ELMOD2: variants seen among roughly 807,000 people sequenced by gnomAD.
ELMOD2 encodes the protein ELMO domain-containing protein 2.
In ELMOD2, 28 loss-of-function variants were observed where a neutral mutation model predicts 41.0. The ratio of observed to expected loss-of-function variants is 0.68; its 90% CI spans 0.51 to 0.94. The LOEUF is 0.94. Among genes scored for constraint, ELMOD2 ranks in the 40% least tolerant of loss-of-function variants. ELMOD2 has a pLI of 0.00. For missense variants in ELMOD2, 333 were observed against 343.1 expected (o/e 0.97, Z 0.23); for synonymous variants, 106 against 107.2 (o/e 0.99, Z 0.07).
intron 5 of ELMOD2, 84 bp from the exon 6 acceptor site, chr4:140,540,084 A>G (rs947487977): frequency 1.4e-6 from 2 of 1,476,862 alleles, no homozygotes; most frequent in Non-Finnish European, 9.1e-7. Flanking sequence ...TGGTTTTTCT[A>G]CAAAAGTTAT....
At chr4:140,548,825 CTGGGGTGGTTTTAT>C (rs996238302) in intron 8 of ELMOD2, among the ~76,000 whole-genome samples, 55 of 152,120 alleles carry the variant, frequency 3.6e-4, no homozygotes, top group African/African-American at 1.1e-3. Flanking sequence ...CAAAGTAGGA[CTGGGGTGGTTTTAT>C]TTTTTGCTTT....
chr4:140,524,530 G>C (rs200597474), intron 1 of ELMOD2: 1 of 925,970 alleles, frequency 1.1e-6, no homozygotes, highest in East Asian at 1.2e-4. Context: ...CTGCGCTTTT[G>C]TCCTAATGAG....
rs1001172378 is a variant in ELMOD2, at chr4:140,544,916, A to G, written c.736+1330A>G. ...CCCTGGGGATGTAGCAGAGAAGAAG[A>G]CAAAGTCACTGCATTTGGTGAGGAG... On this transcript the variant is annotated intron_variant, in intron 8 of 8. Transcript: ENST00000323570. 3.3e-5 allele frequency among the ~76,000 whole-genome samples: 5 copies of G among 152,132 alleles called. 1 individual carries two copies. Among genetic ancestry groups the G allele is most frequent in the Non-Finnish European group, 7.4e-5 (5 of 68,012 alleles).
At chr4:140,547,830 G>A (rs979899987) in intron 8 of ELMOD2, among the ~76,000 whole-genome samples, 4 of 152,120 alleles carry the variant, frequency 2.6e-5, no homozygotes, top group Non-Finnish European at 5.9e-5. Context: ...TTTCTACAGA[G>A]TCTTAAGTAT....
chr4:140,533,772 A>G (rs552562323), intron 3 of ELMOD2, among the ~76,000 whole-genome samples: 5 of 152,290 alleles, frequency 3.3e-5, no homozygotes, highest in African/African-American at 1.2e-4. Flanking sequence ...AAAAGGCAAC[A>G]GAATTTTTAA....
At chr4:140,535,949 G>A (rs913400063) in intron 4 of ELMOD2, 119 bp downstream of exon 4, 9 of 865,952 alleles carry the variant, frequency 1.0e-5, no homozygotes, top group South Asian at 9.9e-5. Context: ...CTGATTCAGC[G>A]CTCTCACTTC....
At chr4:140,540,512 G>A (rs192236827) in intron 6 of ELMOD2, among the ~76,000 whole-genome samples, 23 of 152,238 alleles carry the variant, frequency 1.5e-4, no homozygotes, top group Admixed American at 1.0e-3. Flanking sequence ...CCAGCACTTT[G>A]GGAGGCTGAG....
At chr4:140,529,694 G>C (rs1734683472) in intron 3 of ELMOD2, among the ~76,000 whole-genome samples, 1 of 152,152 alleles carries the variant, frequency 6.6e-6, no homozygotes, top group Non-Finnish European at 1.5e-5. Context: ...CAGGTCTTCT[G>C]TTTAAGTAGA....
At chr4:140,530,929 A>C (rs1734727004) in intron 3 of ELMOD2, among the ~76,000 whole-genome samples, 1 of 152,130 alleles carries the variant, frequency 6.6e-6, no homozygotes, top group Non-Finnish European at 1.5e-5. Flanking sequence ...GACTGTGTAC[A>C]AGTTACTTAT....
Position 140,537,433 on chromosome 4 carries a change from G to T in ELMOD2, c.291G>T (p.Met97Ile), listed in dbSNP as rs753986525. The T allele has an allele frequency of 1.3e-6, 2 of 1,542,706 alleles. No homozygotes were observed. The highest frequency in any genetic ancestry group is 2.2e-5 in the Admixed American group (1 of 45,884). ...KDASFKICMK[M>I]CLLQITGYKQ... ...TTAGTTTTAAAATATGCATGAAGATGTGCTTACTGCAGATAACTGGTTATA... is the reference window on the plus strand; with the variant it reads ...TTAGTTTTAAAATATGCATGAAGATTTGCTTACTGCAGATAACTGGTTATA... The change falls in exon 5 of 9, where the codon ATG becomes ATT. Residue 97 changes from methionine to isoleucine, a missense_variant. Physicochemically the swap from Met to Ile is conservative, Grantham distance 10. Transcript: ENST00000323570.
intron 2 of ELMOD2, among the ~76,000 whole-genome samples, chr4:140,526,963 T>G (rs941575662): frequency 6.6e-6 from 1 of 152,206 alleles, no homozygotes; most frequent in African/African-American, 2.4e-5. Flanking sequence ...TGATTCTTGA[T>G]ATAGAAACCA....
chr4:140,530,304 G>T (rs995250960), intron 3 of ELMOD2, among the ~76,000 whole-genome samples: 5 of 152,140 alleles, frequency 3.3e-5, no homozygotes, highest in African/African-American at 1.2e-4. Context: ...GAACTCCAGT[G>T]CCTTGGTCAA....
chr4:140,537,312 C>A, intron 4 of ELMOD2, 100 bp from the exon 5 acceptor site: 1 of 1,090,886 alleles, frequency 9.2e-7, no homozygotes, highest in Non-Finnish European at 1.2e-6. Context: ...AAACTGAAAG[C>A]CAGGAAATGC....
In ELMOD2 at chr4:140,553,621, G is replaced by A. The variant is rs772840246; in HGVS notation, c.*3246G>A. 1.1e-4 allele frequency: 16 copies of A among 152,106 alleles called. No homozygotes were observed. The East Asian group carries it at 3.1e-3, about 29-fold the overall frequency. 9.4% of individuals were successfully genotyped at this position (152,106 alleles called of 1,614,324 possible). ...TTAAAGTATTCAAGTAGCTTTCTCT[G>A]GGGGAAAAAGTACCACTTGGACACT... On this transcript the variant is annotated 3_prime_UTR_variant, in exon 9 of 9. Transcript: ENST00000323570.
chr4:140,539,306 T>C (rs1735033065), intron 5 of ELMOD2, among the ~76,000 whole-genome samples: 1 of 152,196 alleles, frequency 6.6e-6, no homozygotes, highest in South Asian at 2.1e-4. Flanking sequence ...CAATAAATTT[T>C]CTTTATTTTG....
chr4:140,547,813 A>G (rs1735340004), intron 8 of ELMOD2, among the ~76,000 whole-genome samples: 1 of 152,282 alleles, frequency 6.6e-6, no homozygotes. Context: ...GACATTTCAT[A>G]TGGTAATTTC....
intron 8 of ELMOD2, among the ~76,000 whole-genome samples, chr4:140,548,750 G>A (rs1735371893): frequency 1.3e-5 from 2 of 152,092 alleles, no homozygotes; most frequent in African/African-American, 4.8e-5. Context: ...GACAGTATAT[G>A]AGCATTTAGT....
At chr4:140,548,452 T>C (rs1052206343) in intron 8 of ELMOD2, among the ~76,000 whole-genome samples, 2 of 152,184 alleles carry the variant, frequency 1.3e-5, no homozygotes, top group Admixed American at 6.6e-5. Context: ...TCCAAAAATC[T>C]TTCTTAAACT....
chr4:140,546,456 G>A (rs908369757), intron 8 of ELMOD2, among the ~76,000 whole-genome samples: 1 of 151,662 alleles, frequency 6.6e-6, no homozygotes, highest in Non-Finnish European at 1.5e-5. Flanking sequence ...TACACGTTGT[G>A]CACATGTACC....
Sources: allele counts gnomAD v4.1 joint callset (sites outside exome capture counted in the v4.1 genomes callset), GRCh38; gene constraint gnomAD v4.1.1; transcripts MANE v1.5; gene names NCBI Gene and HGNC (gene_info 2026-07-23, HGNC 2026-07-21).